MUTYH: variants seen among roughly 807,000 people sequenced by gnomAD.
MUTYH encodes the protein mutY DNA glycosylase, also known as adenine DNA glycosylase.
In MUTYH, 64 loss-of-function variants were observed where a neutral mutation model predicts 72.9. The ratio of observed to expected loss-of-function variants is 0.88; its 90% confidence interval spans 0.72 to 1.08. MUTYH has a LOEUF of 1.08. MUTYH is among the 50% of genes least tolerant of loss of function. MUTYH has a pLI of 0.00. For synonymous variants in MUTYH, 234 were observed against 263.1 expected, an observed-to-expected ratio of 0.89 and a Z score of 1.07; for missense variants, 633 against 671.0, an observed-to-expected ratio of 0.94 and a Z score of 0.63.
chr1:45,330,059 C>T lies in MUTYH; in HGVS notation c.1434+457G>A, dbSNP rs1328167277. Reference sequence around the variant, plus strand: ...ACCAGCCTAGTCAACATGGTGAAACCCTGTCTCTACTAAAAATACAAAAAT... The same window carrying T: ...ACCAGCCTAGTCAACATGGTGAAACTCTGTCTCTACTAAAAATACAAAAAT... On this transcript the variant is annotated intron_variant, in intron 15 of 15. Coordinates refer to ENST00000456914, the MANE Select transcript of MUTYH (RefSeq NM_001048174.2). The T allele has an allele frequency of 1.2e-5, 2 of 164,158 alleles. 1 individual carries two copies. The highest frequency in any genetic ancestry group is 2.6e-5 in the Non-Finnish European group (2 of 76,690). 10.2% of individuals were successfully genotyped at this position (164,158 alleles called of 1,614,324 possible).
chr1:45,333,241 G>A (rs779564497), intron 4 of MUTYH, 44 bp downstream of exon 4: 1 of 1,614,142 alleles, frequency 6.2e-7, no homozygotes, highest in Non-Finnish European at 8.5e-7. Flanking sequence ...CCAGACCCAA[G>A]GGCCTCGAGG....
At chr1:45,329,768 C>A in intron 15 of MUTYH, 1 of 325,410 alleles carries the variant, frequency 3.1e-6, no homozygotes, top group Non-Finnish European at 5.8e-6. Flanking sequence ...TCCTTGAGCA[C>A]TGCAGCCTGC....
upstream of MUTYH, chr1:45,340,056 A>C (rs551403495): frequency 1.3e-4 from 200 of 1,542,510 alleles, 2 homozygotes; most frequent in East Asian, 4.9e-3. Flanking sequence ...GCGAGCCGGC[A>C]GCACAGGCCA....
intron 14 of MUTYH, 76 bp downstream of exon 14, chr1:45,331,105 CT>C (rs1644744323): frequency 6.3e-7 from 1 of 1,597,268 alleles, no homozygotes; most frequent in African/African-American, 1.3e-5. Context: ...GCTTTTTTTC[CT>C]GTTTACACAG....
chr1:45,339,768 G>A (rs1471854182), intron 1 of MUTYH, 131 bp downstream of exon 1: 3 of 1,125,904 alleles, frequency 2.7e-6, no homozygotes, highest in Non-Finnish European at 3.6e-6. Flanking sequence ...GGAATTTACC[G>A]ATGCCCAGAA....
upstream of MUTYH, chr1:45,340,028 C>T: frequency 6.5e-7 from 1 of 1,540,370 alleles, no homozygotes; most frequent in Non-Finnish European, 8.8e-7. Context: ...GGGGGCGTGG[C>T]TCGGGTCCAC....
rs749048388 is a variant in MUTYH, at chr1:45,332,033, C to G, written c.903G>C (p.Val301=). Residue 301 remains valine (V), a synonymous_variant, in exon 11 of 16, where the codon GTG becomes GTC. Coordinates refer to ENST00000456914, the MANE Select transcript of MUTYH (RefSeq NM_001048174.2). ...ASGSLSGSPD[V]EECAPNTGQC... ...AGGTTTGGTGCTCACCACACTCCTC[C>G]ACGTCAGGACTGCCCGACAGGCTCC... 6 of 1,614,094 alleles carry G rather than the reference C, an allele frequency of 3.7e-6. No homozygotes were observed. The highest frequency in any genetic ancestry group is 4.2e-6 in the Non-Finnish European group (5 of 1,180,042).
At chr1:45,330,336 T>C (rs1384397431) in intron 15 of MUTYH, among the ~76,000 whole-genome samples, 180 bp downstream of exon 15, 1 of 151,964 alleles carries the variant, frequency 6.6e-6, no homozygotes, top group African/African-American at 2.4e-5. Flanking sequence ...TCCTCATCAT[T>C]TTTTTCCTTT....
At chr1:45,329,930 A>G (rs772777408) in intron 15 of MUTYH, 5 of 169,308 alleles carry the variant, frequency 3.0e-5, no homozygotes, top group Non-Finnish European at 5.1e-5. Flanking sequence ...CCGTCTCCCA[A>G]TTAGAACTGA....
chr1:45,339,639 G>T (rs1163989506), intron 1 of MUTYH: 5 of 365,360 alleles, frequency 1.4e-5, no homozygotes, highest in Non-Finnish European at 2.7e-5. Context: ...CACTTGATTG[G>T]ATTATTACAA....
At chr1:45,340,400 A>G, upstream of MUTYH, 6 of 1,541,902 alleles carry the variant, frequency 3.9e-6, no homozygotes, top group Non-Finnish European at 5.2e-6. Flanking sequence ...CAAGCTTCAG[A>G]GGACTGCTCC....
At chr1:45,334,701 G>A (rs1213805913) in intron 1 of MUTYH, among the ~76,000 whole-genome samples, 190 bp from the exon 2 acceptor site, 1 of 152,204 alleles carries the variant, frequency 6.6e-6, no homozygotes, top group Non-Finnish European at 1.5e-5. Context: ...GTATAGCTGA[G>A]CAAGTGGCCT....
Position 45,339,885 on chromosome 1 carries a change from C to G in MUTYH, c.-7+14G>C. 1 of 1,393,130 alleles carries G rather than the reference C, an allele frequency of 7.2e-7. No individual in the cohort carries two copies. The highest frequency in any genetic ancestry group is 9.6e-7 in the Non-Finnish European group (1 of 1,045,908). 86.3% of individuals were successfully genotyped at this position (1,393,130 alleles called of 1,614,324 possible). A position where few individuals can be genotyped will look rare whatever the true frequency, so the allele number is the denominator to read the frequency against. On this transcript the variant is annotated intron_variant, in intron 1 of 15. Transcript: ENST00000456914. ...TCTGGAAAGCCCAAACCCAGCCACC[C>G]CACTACCCGCTACCCGCGGCCCACG...
rs1553129083 is a variant in MUTYH at position 45,332,834 on chromosome 1, C to G, written c.421G>C (p.Glu141Gln). The stretch of plus-strand genomic sequence containing the variant: ...AGGCCAGCCCAGAGTTGATTCACCT[C>G]CTGTGGGTAGGATCAGAGGTCAAAG... ...LQDLASASLE[E>Q]VNQLWAGLGY... The change falls in exon 7 of 16, where the codon GAG becomes CAG. Residue 141 changes from glutamate to glutamine, a missense_variant and splice_region_variant. Glu to Gln is a conservative substitution (Grantham distance 29, BLOSUM62 2). Coordinates refer to ENST00000456914, the MANE Select transcript of MUTYH (RefSeq NM_001048174.2). 3 of 1,614,228 alleles carry G rather than the reference C, an allele frequency of 1.9e-6. No individual in the cohort carries two copies. Among genetic ancestry groups the G allele is most frequent in the Non-Finnish European group, 2.5e-6 (3 of 1,180,036 alleles).
chr1:45,333,896 A>G (rs939408330), intron 2 of MUTYH, among the ~76,000 whole-genome samples: 3 of 152,224 alleles, frequency 2.0e-5, no homozygotes, highest in Non-Finnish European at 4.4e-5. Context: ...CATGAAAGCC[A>G]CATGAGGGAG....
chr1:45,332,257 G>A lies in MUTYH; in HGVS notation c.758C>T (p.Ala253Val), dbSNP rs1060501329. Residue 253 changes from alanine (A) to valine (V), a missense_variant, in exon 10 of 16, where the codon GCA becomes GTA. Transcript: ENST00000456914. Reference sequence around the variant, plus strand: ...CACTGTGGCCCCTAGCTCCATGGCTGCTTGGTTGAAATCTCCTGGCCGGGC... The same window carrying A: ...CACTGTGGCCCCTAGCTCCATGGCTACTTGGTTGAAATCTCCTGGCCGGGC... ...DPARPGDFNQ[A>V]AMELGATVCT... 8 of 1,614,052 alleles carry A rather than the reference G, an allele frequency of 5.0e-6. No homozygotes were observed. In the East Asian group the frequency reaches 1.1e-4, roughly 22 times the overall value.
rs373766973 is a variant in MUTYH at position 45,333,415 on chromosome 1, G to T, written c.262C>A (p.Arg88=). ...QEKRDLPWRR[R]AEDEMDLDRR... ...GTCCCTGCTCCTCGCCTGCCTACCC[G>T]TCTTCTCCATGGTAGGTCCCGTTTC... The change falls in exon 3 of 16, where the codon CGG becomes AGG. Residue 88 remains arginine, a splice_region_variant and synonymous_variant. Transcript: ENST00000456914. 1 of 1,614,130 alleles carries T rather than the reference G, an allele frequency of 6.2e-7. No homozygotes were observed. The highest frequency in any genetic ancestry group is 1.1e-5 in the South Asian group (1 of 91,080).
intron 14 of MUTYH, among the ~76,000 whole-genome samples, chr1:45,330,958 G>A (rs1005199529): frequency 2.0e-5 from 3 of 151,822 alleles, no homozygotes; most frequent in African/African-American, 4.9e-5. Flanking sequence ...GGTGGCGGGC[G>A]CCTGTAATCC....
At chr1:45,334,226 G>T (rs1386406088) in intron 2 of MUTYH, 165 bp downstream of exon 2, 2 of 995,706 alleles carry the variant, frequency 2.0e-6, no homozygotes, top group Admixed American at 1.8e-5. Flanking sequence ...TGGGCTCAAG[G>T]GATCCACCTG....
Sources: allele counts gnomAD v4.1 joint callset (sites outside exome capture counted in the v4.1 genomes callset), GRCh38; gene constraint gnomAD v4.1.1; transcripts MANE v1.5; gene names NCBI Gene and HGNC (gene_info 2026-07-23, HGNC 2026-07-21).